Variants in TCF4 observed in about 807,000 individuals in gnomAD.
TCF4 encodes the protein transcription factor 4, also known as SL3-3 enhancer factor 2.
In TCF4, 3 loss-of-function variants were observed where a neutral mutation model predicts 82.1. That is an observed-to-expected ratio of 0.04 (90% CI 0.02 to 0.09). The LOEUF (loss-of-function observed/expected upper bound fraction) is 0.09, where lower values mean the gene tolerates loss of function less well. TCF4 is among the 10% of genes least tolerant of loss of function. TCF4 has a pLI of 1.00. For missense variants in TCF4, 518 were observed against 852.7 expected (o/e 0.61, Z 4.89); for synonymous variants, 276 against 309.6 (o/e 0.89, Z 1.14).
At chr18:55,380,291 T>C (rs1458373702) in intron 6 of TCF4, among the ~76,000 whole-genome samples, 1 of 151,986 alleles carries the variant, frequency 6.6e-6, no homozygotes, top group East Asian at 1.9e-4. Context: ...AATTATACTT[T>C]AAAGTTCTGG....
chr18:55,243,627 C>T (rs2052069491), intron 15 of TCF4, among the ~76,000 whole-genome samples: 1 of 151,956 alleles, frequency 6.6e-6, no homozygotes, highest in East Asian at 1.9e-4. Context: ...GAATAAAGCA[C>T]CCAGAGTACT....
chr18:55,477,469 G>T (rs762820797), intron 3 of TCF4, among the ~76,000 whole-genome samples: 14 of 152,192 alleles, frequency 9.2e-5, no homozygotes, highest in Non-Finnish European at 1.3e-4. Flanking sequence ...TATAATGACT[G>T]AGTTTTCACA....
intron 11 of TCF4, among the ~76,000 whole-genome samples, chr18:55,262,001 CCAAA>C (rs376803732): frequency 1.0e-3 from 157 of 152,186 alleles, no homozygotes; most frequent in African/African-American, 3.1e-3. Flanking sequence ...CTACAGTACA[CCAAA>C]CAAACAAACA....
intron 2 of TCF4, among the ~76,000 whole-genome samples, chr18:55,594,604 G>A (rs997492450): frequency 2.0e-5 from 3 of 152,120 alleles, no homozygotes; most frequent in African/African-American, 7.2e-5. Context: ...GTTAGTAAAT[G>A]TTGCTGGTGA....
intron 3 of TCF4, among the ~76,000 whole-genome samples, chr18:55,506,163 G>A (rs1176414390): frequency 2.6e-5 from 4 of 152,108 alleles, no homozygotes; most frequent in African/African-American, 4.8e-5. Context: ...TTAAAGACCA[G>A]AACACTTTTT....
At chr18:55,438,656 G>C (rs2095380096) in intron 5 of TCF4, among the ~76,000 whole-genome samples, 1 of 152,164 alleles carries the variant, frequency 6.6e-6, no homozygotes, top group African/African-American at 2.4e-5. Flanking sequence ...TAGCACTGGA[G>C]ATTAATTTTA....
rs972234680 is a variant in TCF4, at chr18:55,629,227, C to T, written c.286+2071G>A. Among the ~76,000 whole-genome samples the T allele has an allele frequency of 9.2e-5, 14 of 152,100 alleles. 1 individual carries two copies. The highest frequency in any genetic ancestry group is 2.9e-5 in the Non-Finnish European group (2 of 68,016). ...TATATTTGGTATGCTGACAAGAAGT[C>T]CTAAGATCACTATCAATTGAGACAC... On this transcript the variant is annotated intron_variant, in intron 2 of 20. Transcript: ENST00000398339.
chr18:55,563,839 T>C (rs2097376149), intron 3 of TCF4, among the ~76,000 whole-genome samples: 1 of 152,238 alleles, frequency 6.6e-6, no homozygotes, highest in Admixed American at 6.5e-5. Context: ...ATGCAAAAAT[T>C]ATAATATCAT....
intron 3 of TCF4, among the ~76,000 whole-genome samples, chr18:55,563,933 A>G (rs2097377367): frequency 6.6e-6 from 1 of 152,270 alleles, no homozygotes; most frequent in African/African-American, 2.4e-5. Context: ...ACTAAATTTA[A>G]AATGAGCATG....
chr18:55,444,207 A>G (rs1271063052), intron 5 of TCF4, among the ~76,000 whole-genome samples: 1 of 152,238 alleles, frequency 6.6e-6, no homozygotes, highest in Non-Finnish European at 1.5e-5. Context: ...GATGTAAAGC[A>G]ATTAATGTTA....
chr18:55,424,837 T>G (rs1234750357), intron 5 of TCF4, among the ~76,000 whole-genome samples: 1 of 152,220 alleles, frequency 6.6e-6, no homozygotes, highest in Non-Finnish European at 1.5e-5. Context: ...AAATGGATAC[T>G]TTCCCCAGCT....
At chr18:55,632,915 C>T (rs913726581) in intron 1 of TCF4, among the ~76,000 whole-genome samples, 1 of 152,014 alleles carries the variant, frequency 6.6e-6, no homozygotes, top group African/African-American at 2.4e-5. Flanking sequence ...CCTTTGAGAT[C>T]TCTAGGAACA....
intron 3 of TCF4, among the ~76,000 whole-genome samples, chr18:55,548,421 T>C (rs2097225631): frequency 6.6e-6 from 1 of 152,220 alleles, no homozygotes; most frequent in Non-Finnish European, 1.5e-5. Flanking sequence ...GCTGAATAAA[T>C]TTTGACCCCA....
At chr18:55,476,261 T>C (rs1381343678) in intron 3 of TCF4, among the ~76,000 whole-genome samples, 3 of 152,116 alleles carry the variant, frequency 2.0e-5, no homozygotes, top group Non-Finnish European at 2.9e-5. Context: ...TTCCCACATT[T>C]AGAGAGCAGG....
chr18:55,411,501 T>C (rs1176682566), intron 5 of TCF4, among the ~76,000 whole-genome samples: 2 of 152,208 alleles, frequency 1.3e-5, no homozygotes, highest in African/African-American at 4.8e-5. Context: ...TTGCAATACA[T>C]GCTAAAGGTG....
At chr18:55,350,304 A>G (rs2082066800) in intron 8 of TCF4, 55 bp downstream of exon 8, 6 of 1,557,874 alleles carry the variant, frequency 3.9e-6, no homozygotes, top group South Asian at 1.1e-5. Flanking sequence ...CCTTCCCATC[A>G]ATACAAAACA....
chr18:55,372,440 A>G (rs1179505124), intron 6 of TCF4, among the ~76,000 whole-genome samples: 1 of 152,118 alleles, frequency 6.6e-6, no homozygotes, highest in Non-Finnish European at 1.5e-5. Flanking sequence ...TTGGGGTGCT[A>G]CATTTAGAGC....
chr18:55,287,797 C>T (rs1173310597), intron 8 of TCF4, among the ~76,000 whole-genome samples: 1 of 152,170 alleles, frequency 6.6e-6, no homozygotes. Context: ...GGCAGCTCTA[C>T]CTTGTTCTTT....
intron 2 of TCF4, among the ~76,000 whole-genome samples, chr18:55,624,624 T>G (rs1441784520): frequency 6.6e-6 from 1 of 151,634 alleles, no homozygotes; most frequent in Non-Finnish European, 1.5e-5. Flanking sequence ...CGCTTATCCC[T>G]TTTTTCTCCT....
Sources: allele counts gnomAD v4.1 joint callset (sites outside exome capture counted in the v4.1 genomes callset), GRCh38; gene constraint gnomAD v4.1.1; transcripts MANE v1.5; gene names NCBI Gene and HGNC (gene_info 2026-07-23, HGNC 2026-07-21).